Variants in NCAM1 observed in about 807,000 individuals in gnomAD.
The protein encoded by NCAM1 is neural cell adhesion molecule 1.
In NCAM1, 14 loss-of-function variants were observed where a neutral mutation model predicts 109.8. That is an observed-to-expected ratio of 0.13 (90% CI 0.08 to 0.20). The LOEUF is 0.20. Among genes scored for constraint, NCAM1 ranks in the 10% least tolerant of loss-of-function variants. The probability of loss-of-function intolerance (pLI) is 1.00; values close to 1 mark genes in which losing one functional copy is unlikely to be tolerated. For synonymous variants in NCAM1, 418 were observed against 442.9 expected, an observed-to-expected ratio of 0.94 and a Z score of 0.70; for missense variants, 774 against 1,109.9, an observed-to-expected ratio of 0.70 and a Z score of 4.30.
chr11:113,264,941 C>A, intron 17 of NCAM1: 1 of 985,756 alleles, frequency 1.0e-6, no homozygotes, highest in African/African-American at 1.7e-5. Flanking sequence ...CTGGAGACAG[C>A]AGCCCTCAGA....
intron 1 of NCAM1, among the ~76,000 whole-genome samples, chr11:113,095,663 A>G (rs1273552302): frequency 6.6e-6 from 1 of 152,214 alleles, no homozygotes; most frequent in Non-Finnish European, 1.5e-5. Context: ...TTCTCATTTC[A>G]TTTTATCCTT....
chr11:113,127,036 TC>T (rs1307096876), intron 1 of NCAM1, among the ~76,000 whole-genome samples: 1 of 152,322 alleles, frequency 6.6e-6, no homozygotes, highest in Admixed American at 6.5e-5. Flanking sequence ...CAGCCTATAT[TC>T]CAACATGGAA....
intron 17 of NCAM1, chr11:113,269,452 G>C (rs1555124830): frequency 2.6e-5 from 4 of 152,522 alleles, no homozygotes; most frequent in Non-Finnish European, 4.4e-5. Context: ...CTCACTTCAG[G>C]TTTTCCTGAA....
chr11:113,025,240 A>G (rs1291512172), intron 1 of NCAM1, among the ~76,000 whole-genome samples: 4 of 152,208 alleles, frequency 2.6e-5, no homozygotes, highest in Non-Finnish European at 5.9e-5. Context: ...TGGACATTTT[A>G]TGAAATAGAA....
intron 1 of NCAM1, among the ~76,000 whole-genome samples, chr11:113,134,303 T>A (rs1281190780): frequency 1.3e-5 from 2 of 152,222 alleles, no homozygotes; most frequent in Non-Finnish European, 2.9e-5. Context: ...TATTTTCGCA[T>A]GTAACCGGAT....
intron 1 of NCAM1, among the ~76,000 whole-genome samples, chr11:113,146,331 C>A (rs2136232793): frequency 6.6e-6 from 1 of 152,186 alleles, no homozygotes; most frequent in Admixed American, 6.5e-5. Context: ...TGAAAATGAA[C>A]ATAAATTTTA....
intron 1 of NCAM1, among the ~76,000 whole-genome samples, chr11:113,029,369 T>TA (rs1160050627): frequency 3.9e-5 from 6 of 152,316 alleles, no homozygotes; most frequent in African/African-American, 9.6e-5. Flanking sequence ...GGCTCTATGT[T>TA]AAAAAACAGT....
At chr11:113,246,665 G>A (rs1347375170) in intron 15 of NCAM1, among the ~76,000 whole-genome samples, 1 of 152,160 alleles carries the variant, frequency 6.6e-6, no homozygotes, top group Non-Finnish European at 1.5e-5. Flanking sequence ...TTTACCAGAT[G>A]GTTCATAAAA....
intron 9 of NCAM1, among the ~76,000 whole-genome samples, chr11:113,222,652 C>T (rs1944721795): frequency 1.3e-5 from 2 of 152,200 alleles, no homozygotes; most frequent in Admixed American, 6.5e-5. Context: ...TCTTAAGCAG[C>T]TACAGATCTC....
In NCAM1 at chr11:113,190,660, C is replaced by T. The variant is rs1302098805; in HGVS notation, c.53-11719C>T. Among the ~76,000 whole-genome samples, 6 of 152,292 alleles carry T rather than the reference C, an allele frequency of 3.9e-5. 1 individual carries two copies. Among genetic ancestry groups the T allele is most frequent in the Middle Eastern group, 6.8e-3 (2 of 294 alleles). ...TCCCTAACTCAAGAAAGCGAAACAA[C>T]GATGTCCCAGGGTATTCTGTTTGGC... On this transcript the variant is annotated intron_variant, in intron 1 of 19. Coordinates refer to ENST00000316851, the MANE Select transcript of NCAM1 (RefSeq NM_181351.5).
chr11:113,262,453 G>A (rs927216118), intron 17 of NCAM1, among the ~76,000 whole-genome samples: 37 of 152,302 alleles, frequency 2.4e-4, no homozygotes, highest in Admixed American at 9.8e-4. Context: ...GTATTTTAGC[G>A]TGGAGGCTTC....
chr11:113,184,793 G>A (rs1487375644), intron 1 of NCAM1, among the ~76,000 whole-genome samples: 1 of 152,108 alleles, frequency 6.6e-6, no homozygotes, highest in African/African-American at 2.4e-5. Flanking sequence ...CACTTGTGGT[G>A]TGTGAGTTGT....
chr11:113,206,808 C>A (rs1369325436), intron 5 of NCAM1, among the ~76,000 whole-genome samples: 1 of 152,182 alleles, frequency 6.6e-6, no homozygotes, highest in African/African-American at 2.4e-5. Flanking sequence ...AGAGAAATGG[C>A]ACTCTTTGTT....
At chr11:113,102,716 A>T (rs369333678) in intron 1 of NCAM1, among the ~76,000 whole-genome samples, 2 of 152,372 alleles carry the variant, frequency 1.3e-5, no homozygotes, top group African/African-American at 4.8e-5. Flanking sequence ...AACGTAGACC[A>T]TTATTCTACT....
At chr11:113,100,347 A>G (rs911407058) in intron 1 of NCAM1, among the ~76,000 whole-genome samples, 1 of 152,170 alleles carries the variant, frequency 6.6e-6, no homozygotes, top group Middle Eastern at 3.2e-3. Flanking sequence ...TGTTATTACA[A>G]TTAATGCTCT....
chr11:113,203,528 G>T (rs1295532172), intron 2 of NCAM1, among the ~76,000 whole-genome samples: 1 of 152,198 alleles, frequency 6.6e-6, no homozygotes, highest in African/African-American at 2.4e-5. Flanking sequence ...GGATCTGAGC[G>T]CCCTTCCAGC....
intron 1 of NCAM1, among the ~76,000 whole-genome samples, chr11:113,040,098 C>T (rs777591613): frequency 3.9e-5 from 6 of 152,050 alleles, no homozygotes; most frequent in Non-Finnish European, 8.8e-5. Context: ...GCCGAGATCG[C>T]GTCACTGCAC....
chr11:113,260,497 T>G, intron 17 of NCAM1, 174 bp downstream of exon 17: 1 of 650,464 alleles, frequency 1.5e-6, no homozygotes, highest in South Asian at 2.3e-5. Flanking sequence ...TGGGGTGAGA[T>G]GTACTGGACC....
At chr11:113,220,318 C>T (rs1440338093) in intron 8 of NCAM1, among the ~76,000 whole-genome samples, 2 of 152,138 alleles carry the variant, frequency 1.3e-5, no homozygotes, top group Non-Finnish European at 2.9e-5. Context: ...AGTCCACATA[C>T]CATCTGTGCA....
Sources: gnomAD v4.1 joint callset for allele counts (sites outside exome capture counted in the v4.1 genomes callset) on GRCh38, gnomAD v4.1.1 for gene constraint, MANE v1.5 for transcripts, NCBI Gene and HGNC (gene_info 2026-07-23, HGNC 2026-07-21) for gene names.